Variants in ZNF385D observed in about 807,000 individuals in gnomAD.
The protein encoded by ZNF385D is zinc finger protein 659.
A neutral mutation model predicts 35.8 loss-of-function variants in ZNF385D; 15 were observed. The ratio of observed to expected loss-of-function variants is 0.42; its 90% CI spans 0.28 to 0.64. ZNF385D has a LOEUF of 0.64. Among genes scored for constraint, ZNF385D ranks in the 30% least tolerant of loss-of-function variants. ZNF385D has a pLI of 0.23. For missense variants in ZNF385D, 474 were observed against 494.6 expected (o/e 0.96, Z 0.39); for synonymous variants, 212 against 186.8 (o/e 1.13, Z -1.10).
intron 3 of ZNF385D, among the ~76,000 whole-genome samples, chr3:21,941,600 C>T (rs1575969377): frequency 6.8e-6 from 1 of 147,548 alleles, no homozygotes; most frequent in East Asian, 2.1e-4. Context: ...CGGGTTCACG[C>T]CATTCTCCTG....
intron 3 of ZNF385D, among the ~76,000 whole-genome samples, chr3:21,901,081 T>G (rs1440312348): frequency 1.3e-5 from 2 of 152,210 alleles, no homozygotes; most frequent in East Asian, 3.8e-4. Flanking sequence ...ATTTATTGAG[T>G]AGCAAGTGCT....
In ZNF385D at chr3:21,437,128, T is replaced by G. The variant is rs765143777; in HGVS notation, c.515A>C (p.Glu172Ala). Residue 172 changes from glutamate (E) to alanine (A), a missense_variant, in exon 5 of 8, where the codon GAG (glutamate) becomes GCG (alanine). Glu to Ala is a moderately radical substitution (Grantham distance 107, BLOSUM62 -1). Coordinates refer to ENST00000281523, the MANE Select transcript of ZNF385D (RefSeq NM_024697.3). ...GCTTTTTTCCACTTTAGAGGTGATC[T>G]CAGTTGTCATAACACTGCTTTTGCG... ...EIRKSSVMTTEITSKVEKSPT... is the reference protein window; with the variant it reads ...EIRKSSVMTTAITSKVEKSPT... The G allele has an allele frequency of 1.2e-6, 2 of 1,613,980 alleles. No individual in the cohort carries two copies. The highest frequency in any genetic ancestry group is 2.2e-5 in the East Asian group (1 of 44,868).
intron 4 of ZNF385D, among the ~76,000 whole-genome samples, chr3:21,500,696 A>G (rs1706296270): frequency 6.6e-6 from 1 of 152,208 alleles, no homozygotes; most frequent in Non-Finnish European, 1.5e-5. Flanking sequence ...GGAGTTGAGA[A>G]GAAATGTGTA....
At position 22,192,120 on chromosome 3, in the gene ZNF385D, A is replaced by G. The variant is rs551869352; in HGVS notation, c.107-23085T>C. On this transcript the variant is annotated intron_variant, in intron 2 of 5. Transcript: ENST00000494108. ...TGCCCTGTCCCTAACCTCAGGGTTTAGAAACATGGCCCCAAGACTAACAGA... is the reference window on the plus strand; with the variant it reads ...TGCCCTGTCCCTAACCTCAGGGTTTGGAAACATGGCCCCAAGACTAACAGA... 5.3e-5 allele frequency among the ~76,000 whole-genome samples: 8 copies of G among 152,250 alleles called. No individual in the cohort carries two copies. The South Asian group carries it at 1.7e-3, about 32-fold the overall frequency.
intron 2 of ZNF385D, among the ~76,000 whole-genome samples, chr3:22,218,606 T>C (rs114097390): frequency 0.011 from 1,653 of 152,228 alleles, 22 homozygotes; most frequent in African/African-American, 0.037. Context: ...CAGCACAACA[T>C]TGAACAGAAT....
intron 2 of ZNF385D, among the ~76,000 whole-genome samples, chr3:22,330,702 C>T (rs549106347): frequency 6.6e-6 from 1 of 152,172 alleles, no homozygotes; most frequent in South Asian, 2.1e-4. Flanking sequence ...TCCACACAAG[C>T]AGGGATTTCT....
intron 3 of ZNF385D, chr3:21,561,982 C>G (rs1466641458): frequency 6.6e-6 from 1 of 152,040 alleles, no homozygotes; most frequent in Non-Finnish European, 1.5e-5. Context: ...AAGACTAATA[C>G]AATAATCATC....
In ZNF385D at chr3:21,605,413, C is replaced by T. The variant is rs191841118; in HGVS notation, c.166-40729G>A. Among the ~76,000 whole-genome samples, 23 of 152,214 alleles carry T rather than the reference C, an allele frequency of 1.5e-4. No individual in the cohort carries two copies. The East Asian group carries it at 3.7e-3, about 24-fold the overall frequency. Reference sequence around the variant, plus strand: ...GAGTAAGACAGAATGTGAATCATACCGTGCCTATCGTTAAATTTTCTAAAA... The same window carrying T: ...GAGTAAGACAGAATGTGAATCATACTGTGCCTATCGTTAAATTTTCTAAAA... On this transcript the variant is annotated intron_variant, in intron 2 of 7. Coordinates refer to ENST00000281523, the MANE Select transcript of ZNF385D (RefSeq NM_024697.3).
intron 3 of ZNF385D, among the ~76,000 whole-genome samples, chr3:21,988,783 C>G (rs889771585): frequency 6.6e-6 from 1 of 152,030 alleles, no homozygotes; most frequent in Middle Eastern, 3.2e-3. Context: ...TGCCGCTTTG[C>G]AGTTTGATCT....
chr3:21,760,467 G>C (rs1471834127), intron 3 of ZNF385D, among the ~76,000 whole-genome samples: 4 of 152,182 alleles, frequency 2.6e-5, no homozygotes, highest in Non-Finnish European at 4.4e-5. Context: ...CTTTGTGGTA[G>C]TGAACTTTTA....
At chr3:21,720,243 G>GTCA (rs1305405378) in intron 1 of ZNF385D, among the ~76,000 whole-genome samples, 7 of 152,146 alleles carry the variant, frequency 4.6e-5, no homozygotes, top group African/African-American at 7.2e-5. Context: ...CAGCAGCATC[G>GTCA]TCATCATCGG....
At chr3:21,949,438 G>T (rs2931212) in intron 3 of ZNF385D, among the ~76,000 whole-genome samples, 1 of 151,960 alleles carries the variant, frequency 6.6e-6, no homozygotes, top group South Asian at 2.1e-4. Context: ...TGGAGTGTAG[G>T]TGTATTTGAA....
intron 4 of ZNF385D, among the ~76,000 whole-genome samples, chr3:21,464,933 C>T (rs1703421225): frequency 6.6e-6 from 1 of 152,110 alleles, no homozygotes; most frequent in African/African-American, 2.4e-5. Context: ...AGTGGGGGTG[C>T]AGACAGAGGA....
At position 22,008,360 on chromosome 3, in the gene ZNF385D, C is replaced by CATTTTTTTTTTTTTTTTTTTTTTTT. The variant is rs773952386; in HGVS notation, c.325+160456_325+160457insAAAAAAAAAAAAAAAAAAAAAAAAT. On this transcript the variant is annotated intron_variant, in intron 3 of 5. Coordinates refer to the ZNF385D transcript ENST00000494108. Reference sequence around the variant, plus strand: ...TCACTTTCATACAGGCCATGATTTTCTTTTTTTTTTTTGAGGCGGAGTCTC... The same window carrying CATTTTTTTTTTTTTTTTTTTTTTTT: ...TCACTTTCATACAGGCCATGATTTTCATTTTTTTTTTTTTTTTTTTTTTTTTTTTTTTTTTTTGAGGCGGAGTCTC... Among the ~76,000 whole-genome samples the CATTTTTTTTTTTTTTTTTTTTTTTT allele has an allele frequency of 4.5e-5, 6 of 131,938 alleles. 2 individuals carry two copies. The highest frequency in any genetic ancestry group is 1.5e-4 in the Admixed American group (2 of 13,538). The allele number at this position is 131,938 out of a possible 152,430, so 86.6% of individuals were successfully genotyped here.
chr3:22,193,389 A>G (rs1193720384), intron 2 of ZNF385D, among the ~76,000 whole-genome samples: 1 of 148,690 alleles, frequency 6.7e-6, no homozygotes, highest in Non-Finnish European at 1.5e-5. Flanking sequence ...TAGATCAAAA[A>G]AATTAAAATC....
intron 2 of ZNF385D, among the ~76,000 whole-genome samples, chr3:22,267,595 G>A (rs1041087003): frequency 6.6e-6 from 1 of 151,740 alleles, no homozygotes; most frequent in African/African-American, 2.4e-5. Flanking sequence ...GAGCAATATC[G>A]AAATAAAATT....
chr3:22,006,739 T>C (rs976212226), intron 3 of ZNF385D, among the ~76,000 whole-genome samples: 6 of 151,808 alleles, frequency 4.0e-5, no homozygotes, highest in African/African-American at 9.7e-5. Context: ...ACAATAAAAA[T>C]TGGATAAAAT....
chr3:21,884,866 C>T (rs926731421), intron 3 of ZNF385D, among the ~76,000 whole-genome samples: 5 of 151,972 alleles, frequency 3.3e-5, no homozygotes, highest in South Asian at 2.1e-4. Flanking sequence ...GATTTATACA[C>T]GAGGATCATG....
At chr3:21,440,257 T>C (rs957754168) in intron 4 of ZNF385D, among the ~76,000 whole-genome samples, 4 of 152,110 alleles carry the variant, frequency 2.6e-5, no homozygotes, top group Non-Finnish European at 5.9e-5. Context: ...TAAAATAGAA[T>C]CTTAAATGAA....
Sources: gnomAD v4.1 joint callset for allele counts (sites outside exome capture counted in the v4.1 genomes callset) on GRCh38, gnomAD v4.1.1 for gene constraint, MANE v1.5 for transcripts, NCBI Gene and HGNC (gene_info 2026-07-23, HGNC 2026-07-21) for gene names.